The following SLC41A3 variants were observed in gnomAD, a reference collection of about 807,000 sequenced individuals.
The protein encoded by SLC41A3 is solute carrier family 41 member 3, also known as SLC41A1-like 2.
SLC41A3 carries 44 observed loss-of-function variants against 45.4 expected under a neutral mutation model. The ratio of observed to expected loss-of-function variants is 0.97; its 90% CI spans 0.76 to 1.25. SLC41A3 has a LOEUF of 1.25. Ranked by LOEUF, SLC41A3 falls within the 50% of genes most tolerant of loss-of-function variation. The pLI, the probability that SLC41A3 is intolerant of heterozygous loss-of-function variation, is 0.00. For missense variants in SLC41A3, 550 were observed against 600.6 expected, an observed-to-expected ratio of 0.92 and a Z score of 0.88; for synonymous variants, 256 against 252.4, an observed-to-expected ratio of 1.01 and a Z score of -0.13.
chr3:126,029,329 T>C (rs1341545769), intron 4 of SLC41A3, among the ~76,000 whole-genome samples: 1 of 151,934 alleles, frequency 6.6e-6, no homozygotes, highest in Non-Finnish European at 1.5e-5. Flanking sequence ...AATGAGTGAG[T>C]TCTGCTGAGA....
chr3:126,023,117 A>T, intron 5 of SLC41A3, 185 bp from the exon 6 acceptor site: 1 of 710,916 alleles, frequency 1.4e-6, no homozygotes, highest in Non-Finnish European at 2.3e-6. Context: ...TGACTTTCAG[A>T]GCTTCCCACT....
At chr3:126,024,260 G>A (rs1941156624) in intron 5 of SLC41A3, 2 of 152,274 alleles carry the variant, frequency 1.3e-5, no homozygotes, top group South Asian at 4.1e-4. Flanking sequence ...CTGTAAAATG[G>A]GGAGCTGGGA....
Position 126,011,048 on chromosome 3 carries a change from A to G in SLC41A3, c.1105+1567T>C, listed in dbSNP as rs1177369310. Among the ~76,000 whole-genome samples, 5 of 152,310 alleles carry G rather than the reference A, an allele frequency of 3.3e-5. No homozygotes were observed. In the South Asian group the frequency reaches 8.3e-4, roughly 25 times the overall value. ...ACTCATCTTACCAAGAGCAAGAAAA[A>G]TCTCAACCTGGATGAGAAAAGACAA... On this transcript the variant is annotated intron_variant, in intron 9 of 10. Coordinates refer to ENST00000360370, the MANE Select transcript of SLC41A3 (RefSeq NM_017836.4).
intron 2 of SLC41A3, among the ~76,000 whole-genome samples, chr3:126,060,915 C>A (rs1460359952): frequency 2.0e-5 from 3 of 152,232 alleles, no homozygotes; most frequent in South Asian, 2.1e-4. Context: ...GCACCAGGAC[C>A]ACCTGAGGAG....
rs1941402189 is a variant in SLC41A3 at position 126,026,921 on chromosome 3, C to T, written c.454-442G>A. On this transcript the variant is annotated intron_variant, in intron 4 of 10. Coordinates refer to ENST00000360370, the MANE Select transcript of SLC41A3 (RefSeq NM_017836.4). This position sits in a 1 kb window ranked among gnomAD's most constrained non-coding sequence, Gnocchi z 4.2. ...CGGGAGGACTTCACACACTTTTGGTCTCTCCTTTGGCACCCTGCTCACACC... is the reference window on the plus strand; with the variant it reads ...CGGGAGGACTTCACACACTTTTGGTTTCTCCTTTGGCACCCTGCTCACACC... 6.6e-6 allele frequency among the ~76,000 whole-genome samples: 1 copy of T among 152,162 alleles called. No individual in the cohort carries two copies. The highest frequency in any genetic ancestry group is 1.5e-5 in the Non-Finnish European group (1 of 68,022).
chr3:126,018,330 T>C (rs1405998963), intron 6 of SLC41A3, among the ~76,000 whole-genome samples: 1 of 152,226 alleles, frequency 6.6e-6, no homozygotes, highest in Non-Finnish European at 1.5e-5. Context: ...CCAACTCAAA[T>C]AACCCATATA....
At chr3:126,096,760 G>A (rs1945611172) in intron 1 of SLC41A3, among the ~76,000 whole-genome samples, 1 of 151,822 alleles carries the variant, frequency 6.6e-6, no homozygotes, top group Non-Finnish European at 1.5e-5. Context: ...GTAAATCTCT[G>A]TTCAGGGCTT....
Position 126,012,695 on chromosome 3 carries a change from T to A in SLC41A3, c.1025A>T (p.His342Leu). 6.2e-7 allele frequency: 1 copy of A among 1,614,216 alleles called. No individual in the cohort carries two copies. The highest frequency in any genetic ancestry group is 8.5e-7 in the Non-Finnish European group (1 of 1,180,050). The change falls in exon 9 of 11, where the codon CAC becomes CTC. Residue 342 changes from histidine to leucine, a missense_variant. Coordinates refer to ENST00000360370, the MANE Select transcript of SLC41A3 (RefSeq NM_017836.4). Reference protein sequence around the residue: ...IQTSRISTYLHMWSAPGVLPL... With the variant: ...IQTSRISTYLLMWSAPGVLPL... The stretch of plus-strand genomic sequence containing the variant: ...CAGGACGCCAGGTGCACTCCACATG[T>A]GCAGGTAGGTTGAGATTCGGCTGGT...
At chr3:126,012,979 A>G (rs544193572) in intron 8 of SLC41A3, among the ~76,000 whole-genome samples, 4 of 152,282 alleles carry the variant, frequency 2.6e-5, no homozygotes, top group Admixed American at 2.6e-4. Context: ...GACTGCTGGC[A>G]TCTCTTAAGG....
At position 126,056,652 on chromosome 3, in the gene SLC41A3, T is replaced by A. The variant is rs1943688275; in HGVS notation, c.274-5602A>T. 3.4e-6 allele frequency: 5 copies of A among 1,473,640 alleles called. No individual in the cohort carries two copies. The South Asian group carries it at 7.0e-5, about 21-fold the overall frequency. 91.3% of individuals were successfully genotyped at this position (1,473,640 alleles called of 1,614,324 possible). A position where few individuals can be genotyped will look rare whatever the true frequency, so the allele number is the denominator to read the frequency against. On this transcript the variant is annotated intron_variant, in intron 2 of 10. Coordinates refer to ENST00000360370, the MANE Select transcript of SLC41A3 (RefSeq NM_017836.4). ...ACACCAGGACGCTGTTCCCAAGAAG[T>A]CCACACAAACAGAAGCTTCCCAGTC...
intron 3 of SLC41A3, among the ~76,000 whole-genome samples, chr3:126,044,448 G>T (rs561866539): frequency 1.4e-4 from 21 of 152,222 alleles, no homozygotes; most frequent in African/African-American, 5.1e-4. Context: ...ATAACACTAG[G>T]AACTGACTGG....
At chr3:126,087,700 T>C (rs1945420754), upstream of SLC41A3, among the ~76,000 whole-genome samples, 1 of 151,994 alleles carries the variant, frequency 6.6e-6, no homozygotes, top group Non-Finnish European at 1.5e-5. Flanking sequence ...ATGACTAGGT[T>C]GTTCAAGAAA....
intron 5 of SLC41A3, 31 bp from the exon 6 acceptor site, chr3:126,022,963 T>C: frequency 6.2e-7 from 1 of 1,612,556 alleles, no homozygotes; most frequent in Non-Finnish European, 8.5e-7. Flanking sequence ...AACAGCAGAC[T>C]CAAATCCCAG....
intron 6 of SLC41A3, 99 bp from the exon 7 acceptor site, chr3:126,016,974 C>A: frequency 7.1e-7 from 1 of 1,418,366 alleles, no homozygotes. Context: ...GAGGACGCTC[C>A]TGTCCTCATC....
chr3:126,015,376 C>T, intron 8 of SLC41A3, 118 bp downstream of exon 8: 1 of 981,320 alleles, frequency 1.0e-6, no homozygotes, highest in Non-Finnish European at 1.6e-6. Flanking sequence ...CACGGCTCAG[C>T]TGCCCAACTG....
chr3:126,052,019 G>T (rs1471781551), intron 2 of SLC41A3, among the ~76,000 whole-genome samples: 1 of 152,196 alleles, frequency 6.6e-6, no homozygotes, highest in Non-Finnish European at 1.5e-5. Context: ...GAAGAGATCA[G>T]ACCAGAGGCC....
At chr3:126,013,255 G>A (rs2333408) in intron 8 of SLC41A3, among the ~76,000 whole-genome samples, 34,151 of 151,556 alleles carry the variant, frequency 0.23, 4,151 homozygotes, top group African/African-American at 0.31. Flanking sequence ...GAGGAATGAA[G>A]ACAGTGGATA....
chr3:126,082,856 T>C (rs1367103283), intron 1 of SLC41A3, among the ~76,000 whole-genome samples: 1 of 152,126 alleles, frequency 6.6e-6, no homozygotes, highest in African/African-American at 2.4e-5. Context: ...AACTAATGGT[T>C]TCTGCCTGGC....
At chr3:126,016,955 G>T in intron 6 of SLC41A3, 80 bp from the exon 7 acceptor site, 2 of 1,560,878 alleles carry the variant, frequency 1.3e-6, no homozygotes, top group Non-Finnish European at 1.7e-6. Context: ...TCACAAATGA[G>T]AGGTGGGTGA....
Sources: allele counts gnomAD v4.1 joint callset (sites outside exome capture counted in the v4.1 genomes callset), GRCh38; gene constraint gnomAD v4.1.1; non-coding constraint Gnocchi (gnomAD v3.1); transcripts MANE v1.5; gene names NCBI Gene and HGNC (gene_info 2026-07-23, HGNC 2026-07-21).